Variants in FARS2 observed in about 807,000 individuals in gnomAD.
FARS2 encodes phenylalanine--tRNA ligase, mitochondrial.
In FARS2, 40 loss-of-function variants were observed where a neutral mutation model predicts 46.4. The ratio of observed to expected loss-of-function variants is 0.86; its 90% CI spans 0.67 to 1.12. FARS2 has a LOEUF of 1.12. FARS2 is among the 50% of genes most tolerant of loss of function. The probability of loss-of-function intolerance (pLI) is 0.00; values close to 1 mark genes in which losing one functional copy is unlikely to be tolerated. For synonymous variants in FARS2, 234 were observed against 214.9 expected (o/e 1.09, Z -0.78); for missense variants, 513 against 567.9 (o/e 0.90, Z 0.98).
chr6:5,717,741 A>T (rs539792351), intron 6 of FARS2, among the ~76,000 whole-genome samples: 1 of 152,128 alleles, frequency 6.6e-6, no homozygotes, highest in African/African-American at 2.4e-5. Context: ...AGCTTTTTAC[A>T]TAATATATTC....
intron 1 of FARS2, among the ~76,000 whole-genome samples, chr6:5,344,211 G>C (rs1352590297): frequency 6.6e-6 from 1 of 152,144 alleles, no homozygotes; most frequent in Non-Finnish European, 1.5e-5. Context: ...GAGGTTGGCC[G>C]AGGCAAGGAC....
At chr6:5,373,879 T>G (rs1759213927) in intron 2 of FARS2, among the ~76,000 whole-genome samples, 1 of 151,914 alleles carries the variant, frequency 6.6e-6, no homozygotes, top group Non-Finnish European at 1.5e-5. Flanking sequence ...AAAAGAAAGA[T>G]CTATCAGTCA....
At chr6:5,561,961 C>T (rs927323942) in intron 5 of FARS2, among the ~76,000 whole-genome samples, 4 of 151,904 alleles carry the variant, frequency 2.6e-5, no homozygotes, top group African/African-American at 7.3e-5. Context: ...CTTTTCTTCT[C>T]CATTTTCTTG....
In FARS2 at chr6:5,552,192, A is replaced by G. The variant is rs1209072378; in HGVS notation, c.1065+6852A>G. On this transcript the variant is annotated intron_variant, in intron 5 of 6. Coordinates refer to ENST00000274680, the MANE Select transcript of FARS2 (RefSeq NM_006567.5). ...TTTTAACTATTTATGTAGAGTAGTC[A>G]TATTTACATATATAAGAGGGGACTG... Among the ~76,000 whole-genome samples, 3 of 152,246 alleles carry G rather than the reference A, an allele frequency of 2.0e-5. No homozygotes were observed. In the East Asian group the frequency reaches 5.8e-4, roughly 29 times the overall value.
intron 6 of FARS2, among the ~76,000 whole-genome samples, chr6:5,728,272 G>A (rs1182672384): frequency 6.6e-6 from 1 of 152,130 alleles, no homozygotes. Context: ...GCTGGGAATG[G>A]GCTGGTTTGG....
chr6:5,485,953 T>C (rs2150351528), intron 4 of FARS2, among the ~76,000 whole-genome samples: 1 of 152,292 alleles, frequency 6.6e-6, no homozygotes, highest in Non-Finnish European at 1.5e-5. Context: ...GGAAGTTCCG[T>C]CGGGCAGCCC....
intron 4 of FARS2, among the ~76,000 whole-genome samples, chr6:5,520,003 G>C (rs1769032532): frequency 6.6e-6 from 1 of 152,092 alleles, no homozygotes; most frequent in African/African-American, 2.4e-5. Flanking sequence ...AATAGACTGG[G>C]GTCTCCCTGC....
At chr6:5,598,356 C>T (rs1253145679) in intron 5 of FARS2, among the ~76,000 whole-genome samples, 2 of 152,094 alleles carry the variant, frequency 1.3e-5, no homozygotes, top group African/African-American at 4.8e-5. Context: ...GCACTCCAGC[C>T]CAGGCAACAG....
At chr6:5,740,506 T>A (rs1388175235) in intron 6 of FARS2, among the ~76,000 whole-genome samples, 1 of 152,064 alleles carries the variant, frequency 6.6e-6, no homozygotes, top group African/African-American at 2.4e-5. Context: ...AAGGGTTTTT[T>A]TTTTTTCAAA....
chr6:5,562,593 C>G (rs923316008), intron 5 of FARS2, among the ~76,000 whole-genome samples: 1 of 151,790 alleles, frequency 6.6e-6, no homozygotes, highest in Non-Finnish European at 1.5e-5. Flanking sequence ...TTTTCCCTGC[C>G]CTGACATTTA....
At chr6:5,678,993 C>G (rs877010) in intron 6 of FARS2, among the ~76,000 whole-genome samples, 58,681 of 152,044 alleles carry the variant, frequency 0.39, 12,793 homozygotes, top group Non-Finnish European at 0.49. Flanking sequence ...TGTCTTGATC[C>G]AGAAGTGGTG....
At chr6:5,555,720 C>A (rs1771617441) in intron 5 of FARS2, among the ~76,000 whole-genome samples, 1 of 152,022 alleles carries the variant, frequency 6.6e-6, no homozygotes, top group South Asian at 2.1e-4. Context: ...GTATTTTTCT[C>A]ATTTTACTTC....
chr6:5,650,664 A>G (rs1777312119), intron 6 of FARS2, among the ~76,000 whole-genome samples: 1 of 152,076 alleles, frequency 6.6e-6, no homozygotes, highest in South Asian at 2.1e-4. Flanking sequence ...TATTTTTAGT[A>G]GATGGGGTTT....
chr6:5,473,952 C>A (rs999635666), intron 4 of FARS2, among the ~76,000 whole-genome samples: 1 of 152,206 alleles, frequency 6.6e-6, no homozygotes, highest in Admixed American at 6.5e-5. Flanking sequence ...TTTTAGAACA[C>A]CACTCCAGAA....
At chr6:5,502,233 A>C (rs1767846407) in intron 4 of FARS2, among the ~76,000 whole-genome samples, 1 of 152,210 alleles carries the variant, frequency 6.6e-6, no homozygotes. Flanking sequence ...AACAGTGAGA[A>C]TTATAGCAAT....
intron 4 of FARS2, among the ~76,000 whole-genome samples, chr6:5,539,384 G>A (rs866700296): frequency 1.3e-5 from 1 of 79,584 alleles, no homozygotes; most frequent in Non-Finnish European, 2.8e-5. Context: ...TTTTTTTTGT[G>A]TATATATATA....
In FARS2 at chr6:5,764,499, G is replaced by A. The variant is rs1762650247; in HGVS notation, c.1218-6792G>A. 6.6e-6 allele frequency among the ~76,000 whole-genome samples: 1 copy of A among 152,182 alleles called. No homozygotes were observed. The highest frequency in any genetic ancestry group is 2.4e-5 in the African/African-American group (1 of 41,430). ...ACTGAGCTTCTGCATCAGACAAGCA[G>A]GAGACAGATGAGGAGTGAGCCGGGG... On this transcript the variant is annotated intron_variant, in intron 6 of 6. Coordinates refer to ENST00000274680, the MANE Select transcript of FARS2 (RefSeq NM_006567.5). This position sits in a 1 kb window ranked among gnomAD's most constrained non-coding sequence, Gnocchi z 4.1.
At chr6:5,576,303 A>G (rs1381914201) in intron 5 of FARS2, among the ~76,000 whole-genome samples, 1 of 152,124 alleles carries the variant, frequency 6.6e-6, no homozygotes, top group Non-Finnish European at 1.5e-5. Context: ...GAAGGCACCA[A>G]CTAATCAGCT....
At chr6:5,371,600 G>A (rs1759068792) in intron 2 of FARS2, among the ~76,000 whole-genome samples, 1 of 152,092 alleles carries the variant, frequency 6.6e-6, no homozygotes, top group African/African-American at 2.4e-5. Flanking sequence ...AAATTGGGGG[G>A]AGTAATCAAT....
Sources: allele counts gnomAD v4.1 joint callset (sites outside exome capture counted in the v4.1 genomes callset), GRCh38; gene constraint gnomAD v4.1.1; non-coding constraint Gnocchi (gnomAD v3.1); transcripts MANE v1.5; gene names NCBI Gene and HGNC (gene_info 2026-07-23, HGNC 2026-07-21).